Variants in GRM7 observed in about 807,000 individuals in gnomAD.
GRM7 encodes metabotropic glutamate receptor 7.
In GRM7, 35 loss-of-function variants were observed where a neutral mutation model predicts 84.5. The observed-to-expected ratio is 0.41, with a 90% CI of 0.32 to 0.55. The LOEUF (loss-of-function observed/expected upper bound fraction) is 0.55, where lower values mean the gene tolerates loss of function less well. GRM7 is among the 20% of genes least tolerant of loss of function. The pLI is 0.19. For missense variants in GRM7, 1,003 were observed against 1,194.6 expected (o/e 0.84, Z 2.36); for synonymous variants, 487 against 455.1 (o/e 1.07, Z -0.89).
chr3:7,354,581 G>C (rs914669847), intron 4 of GRM7, among the ~76,000 whole-genome samples: 3 of 152,158 alleles, frequency 2.0e-5, no homozygotes, highest in Middle Eastern at 3.2e-3. Flanking sequence ...GGAGAGTAGA[G>C]ATTAGTGTCA....
At chr3:7,445,991 TGA>T (rs1697488948) in intron 5 of GRM7, among the ~76,000 whole-genome samples, 1 of 129,540 alleles carries the variant, frequency 7.7e-6, no homozygotes, top group Non-Finnish European at 1.9e-5. Flanking sequence ...AAATATGCCC[TGA>T]CTCTCTTTTT....
At chr3:6,909,231 T>C (rs1185978368) in intron 1 of GRM7, among the ~76,000 whole-genome samples, 1 of 152,196 alleles carries the variant, frequency 6.6e-6, no homozygotes, top group Non-Finnish European at 1.5e-5. Flanking sequence ...ACTCTTGTAG[T>C]CATCTAAGGA....
At chr3:7,322,974 G>A (rs1700843780) in intron 4 of GRM7, among the ~76,000 whole-genome samples, 1 of 152,096 alleles carries the variant, frequency 6.6e-6, no homozygotes, top group Admixed American at 6.6e-5. Context: ...GGATTCTGGG[G>A]CATACATTAT....
intron 1 of GRM7, among the ~76,000 whole-genome samples, chr3:6,904,971 G>A (rs1400289): frequency 0.022 from 3,305 of 152,012 alleles, 116 homozygotes; most frequent in African/African-American, 0.076. Context: ...CTCCTGTCCC[G>A]GCTGCCCAAA....
intron 1 of GRM7, among the ~76,000 whole-genome samples, chr3:6,969,997 G>T (rs537242491): frequency 1.7e-4 from 26 of 152,328 alleles, no homozygotes; most frequent in African/African-American, 5.8e-4. Context: ...TCCTGCCTCA[G>T]ATGTGAAAGA....
chr3:7,552,990 A>G (rs552656840), intron 7 of GRM7, among the ~76,000 whole-genome samples: 1 of 152,294 alleles, frequency 6.6e-6, no homozygotes, highest in Admixed American at 6.5e-5. Flanking sequence ...TTTATGCTCT[A>G]CTTCCCTTTT....
At chr3:7,542,957 A>G (rs561684265) in intron 7 of GRM7, among the ~76,000 whole-genome samples, 1 of 152,214 alleles carries the variant, frequency 6.6e-6, no homozygotes, top group African/African-American at 2.4e-5. Context: ...ATACCCTCAA[A>G]CATAAACTCT....
At chr3:7,298,952 C>A in intron 3 of GRM7, 127 bp downstream of exon 3, 1 of 802,034 alleles carries the variant, frequency 1.2e-6, no homozygotes, top group Non-Finnish European at 2.1e-6. Flanking sequence ...GCGGCGAAGT[C>A]TGTGCTTGCC....
At chr3:7,298,504 A>G (rs1428136965) in intron 2 of GRM7, 180 bp from the exon 3 acceptor site, 1 of 574,084 alleles carries the variant, frequency 1.7e-6, no homozygotes, top group East Asian at 2.9e-5. Flanking sequence ...TGGAAAGTGC[A>G]TTAGGTATGA....
rs745894546 is a variant in GRM7 at position 7,579,046 on chromosome 3, C to T, written c.2140C>T (p.Leu714Phe). The T allele has an allele frequency of 5.0e-6, 8 of 1,613,994 alleles. No homozygotes were observed. The highest frequency in any genetic ancestry group is 1.3e-5 in the African/African-American group (1 of 74,906). The change falls in exon 8 of 10, where the codon CTT (leucine) becomes TTT (phenylalanine). Residue 714 changes from leucine to phenylalanine, a missense_variant. Around this residue, in one of 2 missense-constraint regions of GRM7, gnomAD observed 910 missense variants for 1,126.0 expected, o/e 0.81. Transcript: ENST00000357716. ...AITSSLISVQ[L>F]LGVFIWFGVD... is the part of the protein sequence containing the mutation. ...CACTTCCAGTTTAATATCAGTTCAG[C>T]TTCTAGGGGTGTTCATTTGGTTTGG...
intron 2 of GRM7, among the ~76,000 whole-genome samples, chr3:7,147,672 G>A (rs974618196): frequency 3.3e-5 from 5 of 152,124 alleles, no homozygotes; most frequent in Admixed American, 3.3e-4. Flanking sequence ...GATGCTAGAA[G>A]AGAGAAACTA....
intron 2 of GRM7, among the ~76,000 whole-genome samples, chr3:7,229,759 A>ATT (rs1200808989): frequency 0.012 from 370 of 30,284 alleles, 18 homozygotes; most frequent in African/African-American, 0.02. Context: ...ATATATATAT[A>ATT]TTTTTTTTTT....
chr3:7,388,099 T>C lies in GRM7; in HGVS notation c.1034-26924T>C, dbSNP rs1158279332. 2.6e-5 allele frequency among the ~76,000 whole-genome samples: 4 copies of C among 152,156 alleles called. No homozygotes were observed. The East Asian group carries it at 7.7e-4, about 29-fold the overall frequency. On this transcript the variant is annotated intron_variant, in intron 4 of 9. Coordinates refer to ENST00000357716, the MANE Select transcript of GRM7 (RefSeq NM_000844.4). ...GATGTCTTTCTCAGCTTGAATGTTA[T>C]TGGTGGATAGAAATTCTACTACTTT...
Position 7,453,891 on chromosome 3 carries a change from G to A in GRM7, c.1375+1084G>A, listed in dbSNP as rs368494087. 4.2e-4 allele frequency among the ~76,000 whole-genome samples: 64 copies of A among 152,242 alleles called. 1 individual carries two copies. In the South Asian group the frequency reaches 0.013, roughly 31 times the overall value. On this transcript the variant is annotated intron_variant, in intron 6 of 9. Coordinates refer to ENST00000357716, the MANE Select transcript of GRM7 (RefSeq NM_000844.4). ...ATTTCTTCCTCCAGGATATGGGGCA[G>A]GACCCTTCTAAAATGACGGGCTGAT...
chr3:7,501,612 A>ACTTCTTAT (rs1230227596), intron 7 of GRM7, among the ~76,000 whole-genome samples: 8 of 152,170 alleles, frequency 5.3e-5, no homozygotes, highest in Non-Finnish European at 8.8e-5. Context: ...ATTCTAACAC[A>ACTTCTTAT]GGACTTGACT....
chr3:7,253,123 T>C (rs1575084382), intron 2 of GRM7, among the ~76,000 whole-genome samples: 1 of 150,414 alleles, frequency 6.6e-6, no homozygotes, highest in South Asian at 2.1e-4. Flanking sequence ...GGATACACCA[T>C]GCACTCCTCA....
chr3:6,934,382 C>T (rs1488778677), intron 1 of GRM7, among the ~76,000 whole-genome samples: 24 of 151,878 alleles, frequency 1.6e-4, no homozygotes. Context: ...AGTAAGGTAC[C>T]ATGAAAACTG....
intron 2 of GRM7, among the ~76,000 whole-genome samples, chr3:7,240,120 GTTTTTTTT>G (rs397988598): frequency 1.2e-3 from 63 of 52,722 alleles, no homozygotes; most frequent in African/African-American, 3.9e-3. Flanking sequence ...AGCATGTGAG[GTTTTTTTT>G]TTTTTTTTTT....
intron 5 of GRM7, among the ~76,000 whole-genome samples, chr3:7,418,138 G>C (rs562290741): frequency 6.6e-6 from 1 of 152,078 alleles, no homozygotes; most frequent in Admixed American, 6.6e-5. Context: ...TCCACCTAAA[G>C]TCTTAAAGAA....
Sources: allele counts gnomAD v4.1 joint callset (sites outside exome capture counted in the v4.1 genomes callset), GRCh38; gene constraint gnomAD v4.1.1; regional missense constraint gnomAD v4.1.1; transcripts MANE v1.5; gene names NCBI Gene and HGNC (gene_info 2026-07-23, HGNC 2026-07-21).